OCLN: variants seen among roughly 807,000 people sequenced by gnomAD.
OCLN encodes occludin.
A neutral mutation model predicts 47.9 loss-of-function variants in OCLN; 21 were observed. The observed-to-expected ratio is 0.44, with a 90% CI of 0.31 to 0.63. The LOEUF (loss-of-function observed/expected upper bound fraction) is 0.63. OCLN is among the 30% of genes least tolerant of loss of function. OCLN has a pLI of 0.08. For synonymous variants in OCLN, 117 were observed against 198.4 expected (o/e 0.59, Z 3.45); for missense variants, 360 against 571.0 (o/e 0.63, Z 3.77).
At chr5:69,497,670 G>A (rs575295048) in intron 1 of OCLN, among the ~76,000 whole-genome samples, 2 of 151,916 alleles carry the variant, frequency 1.3e-5, no homozygotes, top group Non-Finnish European at 2.9e-5. Context: ...CGTGAGCCAC[G>A]GTGCCTGGCC....
At position 69,509,506 on chromosome 5, in the gene OCLN, G is replaced by T; in HGVS notation, c.416G>T (p.Gly139Val). The T allele has an allele frequency of 1.2e-6, 2 of 1,614,184 alleles. No homozygotes were observed. Among genetic ancestry groups the T allele is most frequent in the Non-Finnish European group, 1.7e-6 (2 of 1,180,018 alleles). The change falls in exon 3 of 9, where the codon GGC becomes GTC. Residue 139 changes from glycine to valine, a missense_variant. Around this residue, in one of 3 missense-constraint regions of OCLN, gnomAD observed 314 missense variants for 368.1 expected, o/e 0.85. Transcript: ENST00000396442. ...GGYTDPRAAK[G>V]FMLAMAAFCF... is the part of the protein sequence containing the mutation. Reference sequence around the variant, plus strand: ...TATACAGACCCAAGAGCAGCAAAGGGCTTCATGTTGGCCATGGCTGCCTTT... The same window carrying T: ...TATACAGACCCAAGAGCAGCAAAGGTCTTCATGTTGGCCATGGCTGCCTTT...
intron 5 of OCLN, among the ~76,000 whole-genome samples, chr5:69,536,442 G>T (rs1261766772): frequency 1.5e-5 from 2 of 132,478 alleles, no homozygotes; most frequent in East Asian, 4.4e-4. Flanking sequence ...AGGCCCAGGT[G>T]GACGGATCAC....
At chr5:69,514,678 G>A (rs903005810) in intron 4 of OCLN, among the ~76,000 whole-genome samples, 2 of 152,184 alleles carry the variant, frequency 1.3e-5, no homozygotes, top group Admixed American at 1.3e-4. Context: ...GCGGCCTTCT[G>A]CAGTGTTTGT....
At chr5:69,514,402 TC>T (rs1768869937) in intron 4 of OCLN, among the ~76,000 whole-genome samples, 1 of 152,174 alleles carries the variant, frequency 6.6e-6, no homozygotes, top group African/African-American at 2.4e-5. Flanking sequence ...AACTACTTCT[TC>T]CCTCTACTCC....
At chr5:69,507,076 C>A (rs541316075) in intron 2 of OCLN, among the ~76,000 whole-genome samples, 2 of 152,186 alleles carry the variant, frequency 1.3e-5, no homozygotes, top group African/African-American at 2.4e-5. Context: ...ATGATCATTA[C>A]CTGCTTTTAT....
chr5:69,519,671 T>C (rs1244381720), intron 4 of OCLN, among the ~76,000 whole-genome samples: 2 of 152,152 alleles, frequency 1.3e-5, no homozygotes, highest in East Asian at 1.9e-4. Context: ...TAATTAAATA[T>C]TTTATTTGGT....
intron 1 of OCLN, among the ~76,000 whole-genome samples, chr5:69,497,546 C>A (rs1768332315): frequency 1.3e-5 from 2 of 152,016 alleles, no homozygotes; most frequent in South Asian, 4.2e-4. Flanking sequence ...CACCACCATG[C>A]CCAACTAATT....
intron 2 of OCLN, among the ~76,000 whole-genome samples, chr5:69,505,631 T>C (rs1193748964): frequency 6.6e-6 from 1 of 152,148 alleles, no homozygotes. Context: ...AAACAAGCAG[T>C]GTTGAGGGGT....
chr5:69,555,327 G>A lies in OCLN; in HGVS notation c.*1656G>A, dbSNP rs1455505759. The A allele has an allele frequency of 1.5e-5, 2 of 131,344 alleles. No homozygotes were observed. The highest frequency in any genetic ancestry group is 8.1e-5 in the Admixed American group (1 of 12,382). The allele number at this position is 131,344 out of a possible 1,614,324, so 8.1% of individuals were successfully genotyped here. ...TGAACAGGCTGGAGTGCAATGTCGC[G>A]ATCTCAGCTCACCACAACCTCCGCC... On this transcript the variant is annotated 3_prime_UTR_variant, in exon 9 of 9. Transcript: ENST00000396442.
At position 69,496,004 on chromosome 5, in the gene OCLN, CAG is replaced by C. The variant is rs759329053; in HGVS notation, c.-69+3107_-69+3108del. 3.9e-5 allele frequency among the ~76,000 whole-genome samples: 6 copies of C among 152,196 alleles called. No homozygotes were observed. The East Asian group carries it at 5.8e-4, about 15-fold the overall frequency. On this transcript the variant is annotated intron_variant, in intron 1 of 8. Transcript: ENST00000396442. ...TTTATTAAAAATACAATTTCTGACA[CAG>C]AGTCTATTACAAAATCTGCCTAACT...
chr5:69,552,612 A>AGGC (rs1371965055), intron 8 of OCLN, among the ~76,000 whole-genome samples: 1 of 85,396 alleles, frequency 1.2e-5, no homozygotes, highest in African/African-American at 3.2e-5. Context: ...CTGGGATTAC[A>AGGC]GGCGTGAGCC....
At chr5:69,500,913 G>C (rs148382323) in intron 1 of OCLN, among the ~76,000 whole-genome samples, 1 of 151,962 alleles carries the variant, frequency 6.6e-6, no homozygotes, top group South Asian at 2.1e-4. Context: ...CTTAACTTCA[G>C]ATTTTCTGTT....
At chr5:69,519,641 A>G (rs1216575468) in intron 4 of OCLN, among the ~76,000 whole-genome samples, 1 of 152,096 alleles carries the variant, frequency 6.6e-6, no homozygotes, top group African/African-American at 2.4e-5. Flanking sequence ...TCTGCCCTCA[A>G]ATTTCAGATC....
chr5:69,524,962 C>A (rs1192384343), intron 4 of OCLN, among the ~76,000 whole-genome samples: 4 of 152,128 alleles, frequency 2.6e-5, no homozygotes, highest in African/African-American at 9.7e-5. Flanking sequence ...TCTGGGATTA[C>A]AGGTGTGAGT....
At chr5:69,529,747 C>T (rs778523702) in intron 4 of OCLN, among the ~76,000 whole-genome samples, 2 of 151,972 alleles carry the variant, frequency 1.3e-5, no homozygotes, top group Non-Finnish European at 2.9e-5. Flanking sequence ...GGATTACGGG[C>T]GTGCGTCACC....
chr5:69,510,446 C>T (rs1017120391), intron 3 of OCLN, among the ~76,000 whole-genome samples: 23 of 152,112 alleles, frequency 1.5e-4, no homozygotes, highest in Admixed American at 5.2e-4. Flanking sequence ...CTTTGGGAGG[C>T]TGAGGCGGGC....
At chr5:69,533,489 G>T (rs561253538) in intron 4 of OCLN, among the ~76,000 whole-genome samples, 1 of 148,036 alleles carries the variant, frequency 6.8e-6, no homozygotes, top group South Asian at 2.1e-4. Context: ...GGTGCCCAGT[G>T]TGTAGCATTG....
chr5:69,505,695 T>C (rs998886225), intron 2 of OCLN, among the ~76,000 whole-genome samples: 4 of 152,184 alleles, frequency 2.6e-5, no homozygotes, highest in East Asian at 3.8e-4. Context: ...AATTCCAAAT[T>C]TGCTATCAAA....
In OCLN at chr5:69,509,517, G is replaced by T; in HGVS notation, c.427G>T (p.Ala143Ser). Residue 143 changes from alanine to serine, a missense_variant, in exon 3 of 9, where the codon GCC becomes TCC. Physicochemically the swap from Ala to Ser is moderately conservative, Grantham distance 99 (BLOSUM62 1). Coordinates refer to ENST00000396442, the MANE Select transcript of OCLN (RefSeq NM_001205254.2). The part of the protein sequence containing the change: ...DPRAAKGFML[A>S]MAAFCFIAAL... ...AAGAGCAGCAAAGGGCTTCATGTTG[G>T]CCATGGCTGCCTTTTGTTTCATTGC... 1 of 1,614,152 alleles carries T rather than the reference G, an allele frequency of 6.2e-7. No individual in the cohort carries two copies. The highest frequency in any genetic ancestry group is 1.3e-5 in the African/African-American group (1 of 75,042).
Sources: allele counts gnomAD v4.1 joint callset (sites outside exome capture counted in the v4.1 genomes callset), GRCh38; gene constraint gnomAD v4.1.1; regional missense constraint gnomAD v4.1.1; transcripts MANE v1.5; gene names NCBI Gene and HGNC (gene_info 2026-07-23, HGNC 2026-07-21).